The following ZMYM1 variants were observed in gnomAD, a reference collection of about 807,000 sequenced individuals.
ZMYM1 encodes the protein zinc finger MYM-type protein 1.
ZMYM1 carries 39 observed loss-of-function variants against 60.0 expected under a neutral mutation model. The ratio of observed to expected loss-of-function variants is 0.65; its 90% CI spans 0.50 to 0.85. The LOEUF is 0.85. Among genes scored for constraint, ZMYM1 ranks in the 40% least tolerant of loss-of-function variants. The pLI is 0.00. For missense variants in ZMYM1, 1,171 were observed against 1,309.5 expected, an observed-to-expected ratio of 0.89 and a Z score of 1.63; for synonymous variants, 413 against 454.0, an observed-to-expected ratio of 0.91 and a Z score of 1.15.
intron 1 of ZMYM1, among the ~76,000 whole-genome samples, chr1:35,064,622 G>A (rs1243289632): frequency 1.3e-5 from 2 of 149,490 alleles, no homozygotes; most frequent in East Asian, 3.9e-4. Flanking sequence ...GAAATTAAAT[G>A]AGAAATCAAT....
rs150417605 is a variant in ZMYM1, at chr1:35,097,655, A to G, written c.419+89A>G. ...TGTAATTTCTACATTTTCTTTTTTT[A>G]TTTTTTGAGACTGAGTTTGACTCTT... On this transcript the variant is annotated intron_variant, in intron 4 of 9. Coordinates refer to ENST00000359858, the MANE Select transcript of ZMYM1 (RefSeq NM_024772.5). 1,381 of 1,510,454 alleles carry G rather than the reference A, an allele frequency of 9.1e-4. 17 individuals carry two copies. In the African/African-American group the frequency reaches 0.017, roughly 19 times the overall value. 93.6% of individuals were successfully genotyped at this position (1,510,454 alleles called of 1,614,324 possible).
chr1:35,073,250 C>T (rs1388551153), intron 1 of ZMYM1, among the ~76,000 whole-genome samples: 1 of 69,228 alleles, frequency 1.4e-5, no homozygotes, highest in Non-Finnish European at 3.1e-5. Flanking sequence ...AACACTCTGT[C>T]AAAAAAAAAA....
intron 1 of ZMYM1, among the ~76,000 whole-genome samples, chr1:35,068,624 C>G (rs937588513): frequency 6.9e-6 from 1 of 145,912 alleles, no homozygotes; most frequent in Admixed American, 6.8e-5. Context: ...GTTGGAACAA[C>G]TGGAAATCCA....
At position 35,112,149 on chromosome 1, in the gene ZMYM1, T is replaced by TA. The variant is rs1644109839; in HGVS notation, c.1146+20dup. 6.2e-7 allele frequency: 1 copy of TA among 1,612,020 alleles called. No homozygotes were observed. Among genetic ancestry groups the TA allele is most frequent in the Non-Finnish European group, 8.5e-7 (1 of 1,178,736 alleles). On this transcript the variant is annotated intron_variant, in intron 9 of 9. Coordinates refer to ENST00000359858, the MANE Select transcript of ZMYM1 (RefSeq NM_024772.5). ...TGTGGATGTAAGTTTTAACTTTTTT[T>TA]ACCACTGTCTTTTTTTAATAAGCAG... is the stretch of plus-strand genomic sequence containing the variant.
At chr1:35,095,112 G>T (rs772610976) in intron 2 of ZMYM1, among the ~76,000 whole-genome samples, 17 of 151,936 alleles carry the variant, frequency 1.1e-4, no homozygotes, top group Non-Finnish European at 2.1e-4. Context: ...CTATGAAATT[G>T]CCTCCTGCTC....
intron 1 of ZMYM1, among the ~76,000 whole-genome samples, chr1:35,091,887 C>CAAAAAAA (rs779081046): frequency 8.3e-5 from 7 of 84,506 alleles, no homozygotes; most frequent in African/African-American, 2.5e-4. Flanking sequence ...GATCTTGTCT[C>CAAAAAAA]AAAAAAAAAA....
At chr1:35,064,681 T>C (rs1442923697) in intron 1 of ZMYM1, among the ~76,000 whole-genome samples, 2 of 148,372 alleles carry the variant, frequency 1.3e-5, no homozygotes, top group Admixed American at 6.7e-5. Context: ...TTAAACAATA[T>C]ATTTCTTTTT....
In ZMYM1 at chr1:35,111,869, C is replaced by T. The variant is rs753979059; in HGVS notation, c.1059C>T (p.Asp353=). ...PVISNIVSLA[D]TDVALPIMNT... is the part of the protein sequence containing the mutation. ...TAAGCAATATAGTGTCATTGGCAGACACCGATGTTGCCTTGCCCATCATGA... is the reference window on the plus strand; with the variant it reads ...TAAGCAATATAGTGTCATTGGCAGATACCGATGTTGCCTTGCCCATCATGA... The change falls in exon 8 of 10, where the codon GAC becomes GAT. Residue 353 remains aspartate, a synonymous_variant. Transcript: ENST00000359858. 3 of 1,604,820 alleles carry T rather than the reference C, an allele frequency of 1.9e-6. No individual in the cohort carries two copies. In the South Asian group the frequency reaches 3.4e-5, roughly 18 times the overall value.
chr1:35,118,345 C>T (rs1446093028), downstream of ZMYM1, among the ~76,000 whole-genome samples: 1 of 151,938 alleles, frequency 6.6e-6, no homozygotes, highest in Non-Finnish European at 1.5e-5. Flanking sequence ...ATGAACTTTC[C>T]TCTAAAGTCA....
At chr1:35,078,537 ATTT>A (rs751468260), upstream of ZMYM1, among the ~76,000 whole-genome samples, 128 of 82,186 alleles carry the variant, frequency 1.6e-3, no homozygotes, top group African/African-American at 5.8e-3. Context: ...GGTTATTTTA[ATTT>A]TTTTTTTTTT....
upstream of ZMYM1, among the ~76,000 whole-genome samples, chr1:35,076,164 T>C (rs1385125457): frequency 6.6e-6 from 1 of 152,086 alleles, no homozygotes; most frequent in Non-Finnish European, 1.5e-5. Flanking sequence ...ACCCCAGATA[T>C]AAAGGAACAG....
At chr1:35,107,462 C>A (rs1318286488) in intron 6 of ZMYM1, among the ~76,000 whole-genome samples, 10 of 148,604 alleles carry the variant, frequency 6.7e-5, no homozygotes, top group African/African-American at 2.5e-4. Context: ...GAGCGAGACT[C>A]TGTCTCAGAA....
chr1:35,081,584 T>C (rs1249932046), intron 1 of ZMYM1, among the ~76,000 whole-genome samples: 1 of 152,242 alleles, frequency 6.6e-6, no homozygotes, highest in Non-Finnish European at 1.5e-5. Flanking sequence ...GTTTTCACTG[T>C]AGAGTTCTTT....
At chr1:35,102,751 A>G (rs987896405) in intron 4 of ZMYM1, among the ~76,000 whole-genome samples, 1 of 152,180 alleles carries the variant, frequency 6.6e-6, no homozygotes, top group Admixed American at 6.5e-5. Flanking sequence ...TTCATTTATA[A>G]CTCAACATTT....
intron 6 of ZMYM1, among the ~76,000 whole-genome samples, chr1:35,105,131 T>C (rs1337250900): frequency 1.3e-4 from 18 of 138,780 alleles, no homozygotes; most frequent in South Asian, 4.9e-4. Context: ...TCTTTCTTTT[T>C]TTTTTTTTTT....
At chr1:35,095,046 C>G (rs1643233290) in intron 2 of ZMYM1, among the ~76,000 whole-genome samples, 1 of 152,056 alleles carries the variant, frequency 6.6e-6, no homozygotes, top group African/African-American at 2.4e-5. Flanking sequence ...TAGGAACTAT[C>G]TATTGCTTCT....
At chr1:35,082,988 T>TA (rs74703443) in intron 1 of ZMYM1, among the ~76,000 whole-genome samples, 8,719 of 151,750 alleles carry the variant, frequency 0.057, 553 homozygotes, top group East Asian at 0.38. Context: ...TCTCCAAAAA[T>TA]AAAAAAAGAA....
chr1:35,068,066 C>T (rs12407457), intron 1 of ZMYM1, among the ~76,000 whole-genome samples: 8,535 of 151,744 alleles, frequency 0.056, 534 homozygotes, highest in East Asian at 0.38. Context: ...GGATTACAGG[C>T]GTGAGCCACA....
intron 1 of ZMYM1, among the ~76,000 whole-genome samples, chr1:35,064,686 CTTT>C (rs34080777): frequency 3.5e-5 from 4 of 112,956 alleles, no homozygotes; most frequent in Admixed American, 9.0e-5. Flanking sequence ...CAATATATTT[CTTT>C]TTTTTTTTTT....
Sources: allele counts gnomAD v4.1 joint callset (sites outside exome capture counted in the v4.1 genomes callset), GRCh38; gene constraint gnomAD v4.1.1; transcripts MANE v1.5; gene names NCBI Gene and HGNC (gene_info 2026-07-23, HGNC 2026-07-21).